Variants in RIMS1 observed in about 807,000 individuals in gnomAD.
The protein encoded by RIMS1 is regulating synaptic membrane exocytosis protein 1.
In RIMS1, 83 loss-of-function variants were observed where a neutral mutation model predicts 214.1. That is an observed-to-expected ratio of 0.39 (90% CI 0.32 to 0.47). The LOEUF is 0.47. RIMS1 is among the 20% of genes least tolerant of loss of function. The probability of loss-of-function intolerance (pLI) is 0.99; values close to 1 mark genes in which losing one functional copy is unlikely to be tolerated. For synonymous variants in RIMS1, 793 were observed against 786.8 expected (o/e 1.01, Z -0.13); for missense variants, 2,050 against 2,161.8 (o/e 0.95, Z 1.03).
chr6:71,923,643 C>T (rs541002497), intron 1 of RIMS1, among the ~76,000 whole-genome samples: 113 of 152,016 alleles, frequency 7.4e-4, no homozygotes, highest in African/African-American at 2.4e-3. Flanking sequence ...CTTGGCTCAC[C>T]GCAATCACAG....
At chr6:72,260,046 A>C (rs1163696761) in intron 18 of RIMS1, among the ~76,000 whole-genome samples, 1 of 152,082 alleles carries the variant, frequency 6.6e-6, no homozygotes, top group Admixed American at 6.6e-5. Context: ...TGCTCTGAGG[A>C]ATAGGATTCC....
chr6:72,329,305 A>C (rs533726392), intron 28 of RIMS1, among the ~76,000 whole-genome samples: 3 of 151,924 alleles, frequency 2.0e-5, no homozygotes, highest in African/African-American at 7.2e-5. Context: ...CAAATGTTGG[A>C]GCTTTAATTA....
At chr6:72,280,031 A>G (rs1434740611) in intron 23 of RIMS1, among the ~76,000 whole-genome samples, 1 of 151,960 alleles carries the variant, frequency 6.6e-6, no homozygotes, top group Non-Finnish European at 1.5e-5. Flanking sequence ...AAGGCCAGAA[A>G]ATTATGCAGT....
intron 29 of RIMS1, among the ~76,000 whole-genome samples, chr6:72,351,102 T>A (rs1035975682): frequency 6.6e-6 from 1 of 152,122 alleles, no homozygotes; most frequent in African/African-American, 2.4e-5. Flanking sequence ...GTATATGAAA[T>A]GTAATTTTTT....
intron 1 of RIMS1, among the ~76,000 whole-genome samples, chr6:71,961,816 G>T (rs1793034684): frequency 6.6e-6 from 1 of 152,084 alleles, no homozygotes; most frequent in African/African-American, 2.4e-5. Context: ...AAAATTTCTG[G>T]CATTCTAAGT....
intron 4 of RIMS1, among the ~76,000 whole-genome samples, chr6:72,158,088 A>G (rs998216205): frequency 7.1e-6 from 1 of 140,570 alleles, no homozygotes; most frequent in African/African-American, 2.5e-5. Context: ...ATTCATTTAT[A>G]TTTACCAACT....
intron 2 of RIMS1, among the ~76,000 whole-genome samples, chr6:72,047,916 A>G (rs11754917): frequency 0.12 from 17,782 of 152,142 alleles, 1,213 homozygotes; most frequent in South Asian, 0.18. Context: ...TTCTACTTCT[A>G]TTATTCCAGT....
At chr6:72,129,465 GCTTA>G (rs1439281377) in intron 4 of RIMS1, among the ~76,000 whole-genome samples, 2 of 151,904 alleles carry the variant, frequency 1.3e-5, no homozygotes, top group Admixed American at 1.3e-4. Context: ...AGATTTTTTT[GCTTA>G]CTTGTAAAAA....
At chr6:72,084,959 T>C (rs1368309224) in intron 2 of RIMS1, among the ~76,000 whole-genome samples, 2 of 152,184 alleles carry the variant, frequency 1.3e-5, no homozygotes, top group Non-Finnish European at 2.9e-5. Context: ...GATAGTCATC[T>C]GCAAAAGAGC....
chr6:71,935,608 G>T (rs183740207), intron 1 of RIMS1, among the ~76,000 whole-genome samples: 2 of 152,032 alleles, frequency 1.3e-5, no homozygotes, highest in African/African-American at 4.8e-5. Flanking sequence ...TTTCCCTCTG[G>T]CCCGTTTGCT....
intron 1 of RIMS1, among the ~76,000 whole-genome samples, chr6:71,930,665 C>T (rs571704967): frequency 6.6e-6 from 1 of 152,122 alleles, no homozygotes; most frequent in East Asian, 1.9e-4. Flanking sequence ...TATATGTCCC[C>T]TATGATTTCC....
chr6:72,022,899 T>C (rs1205382090), intron 2 of RIMS1, among the ~76,000 whole-genome samples: 1 of 152,162 alleles, frequency 6.6e-6, no homozygotes, highest in African/African-American at 2.4e-5. Flanking sequence ...CATAATGTAT[T>C]CTTAATGTAA....
intron 22 of RIMS1, among the ~76,000 whole-genome samples, chr6:72,268,179 A>T (rs2061689874): frequency 6.6e-6 from 1 of 152,180 alleles, no homozygotes; most frequent in African/African-American, 2.4e-5. Context: ...ACGCCTATGA[A>T]GCAGCTTTGA....
intron 1 of RIMS1, among the ~76,000 whole-genome samples, chr6:71,960,645 A>AT (rs768509893): frequency 2.0e-5 from 3 of 152,186 alleles, no homozygotes; most frequent in Admixed American, 6.5e-5. Context: ...AGTTTTTCTC[A>AT]TGTCCTCTCT....
intron 28 of RIMS1, among the ~76,000 whole-genome samples, chr6:72,316,125 C>T (rs1278010098): frequency 6.6e-6 from 1 of 152,152 alleles, no homozygotes; most frequent in Non-Finnish European, 1.5e-5. Context: ...TTCCTGTTAT[C>T]TTCCCCACCA....
intron 2 of RIMS1, among the ~76,000 whole-genome samples, chr6:71,969,334 G>C (rs1583747388): frequency 7.0e-6 from 1 of 143,454 alleles, no homozygotes; most frequent in Middle Eastern, 3.7e-3. Context: ...ATTCTTTTTT[G>C]TTTGTTTGAT....
At chr6:72,275,125 TA>T (rs2085558022) in intron 23 of RIMS1, among the ~76,000 whole-genome samples, 1 of 200 alleles carries the variant, frequency 5.0e-3, no homozygotes, top group Non-Finnish European at 9.4e-3. Context: ...TTATGGTATA[TA>T]TATATATATA....
intron 6 of RIMS1, among the ~76,000 whole-genome samples, chr6:72,221,116 C>T (rs910674139): frequency 1.3e-5 from 2 of 152,008 alleles, no homozygotes; most frequent in East Asian, 3.9e-4. Flanking sequence ...TATATAGAGT[C>T]TTTAAACGTA....
Position 71,891,925 on chromosome 6 carries a change from G to A in RIMS1, c.164+4738G>A, listed in dbSNP as rs190075272. On this transcript the variant is annotated intron_variant, in intron 1 of 33. Transcript: ENST00000521978. ...AATTCCTAAAATCATATTATTATCC[G>A]CCCATACCTGTAATAAGCAGATGGA... Among the ~76,000 whole-genome samples, 472 of 152,232 alleles carry A rather than the reference G, an allele frequency of 3.1e-3. 2 individuals are homozygous for A. The highest frequency in any genetic ancestry group is 0.01 in the Middle Eastern group (3 of 294).
Sources: gnomAD v4.1 joint callset for allele counts (sites outside exome capture counted in the v4.1 genomes callset) on GRCh38, gnomAD v4.1.1 for gene constraint, MANE v1.5 for transcripts, NCBI Gene and HGNC (gene_info 2026-07-23, HGNC 2026-07-21) for gene names.